CLPP: variants seen among roughly 807,000 people sequenced by gnomAD.
CLPP encodes the protein ATP-dependent Clp protease proteolytic subunit, mitochondrial.
A neutral mutation model predicts 27.4 loss-of-function variants in CLPP; 14 were observed. The observed-to-expected ratio is 0.51, with a 90% CI of 0.34 to 0.80. CLPP has a LOEUF of 0.80. CLPP is among the 30% of genes least tolerant of loss of function. The pLI, the probability that CLPP is intolerant of heterozygous loss-of-function variation, is 0.02. For synonymous variants in CLPP, 193 were observed against 166.6 expected (o/e 1.16, Z -1.22); for missense variants, 361 against 403.6 (o/e 0.89, Z 0.90).
intron 4 of CLPP, 79 bp downstream of exon 4, chr19:6,364,718 C>A: frequency 2.4e-6 from 3 of 1,263,446 alleles, no homozygotes; most frequent in Admixed American, 2.5e-5. Flanking sequence ...GGAAGTCAAG[C>A]GTGGGAGGGG....
Position 6,364,484 on chromosome 19 carries a change from G to A in CLPP, c.400G>A (p.Asp134Asn), listed in dbSNP as rs2091851911. 1.2e-6 allele frequency: 2 copies of A among 1,610,880 alleles called. No homozygotes were observed. Among genetic ancestry groups the A allele is most frequent in the South Asian group, 1.1e-5 (1 of 90,720 alleles). The change falls in exon 4 of 6, where the codon GAC becomes AAC. Residue 134 changes from aspartate to asparagine, a missense_variant. This residue lies in a region of CLPP where 213 missense variants were observed against 280.9 expected (regional missense o/e 0.76). Coordinates refer to ENST00000245816, the MANE Select transcript of CLPP (RefSeq NM_006012.4). Reference sequence around the variant, plus strand: ...GGTGACCGCGGGCCTGGCCATCTACGACACGATGCAGTACATCCTCAACCC... The same window carrying A: ...GGTGACCGCGGGCCTGGCCATCTACAACACGATGCAGTACATCCTCAACCC... ...GVVTAGLAIY[D>N]TMQYILNPIC...
Position 6,369,887 on chromosome 19 carries a change from G to A in CLPP, c.*1177G>A, listed in dbSNP as rs963067322. The stretch of plus-strand genomic sequence containing the variant: ...TGAACCATGGAGGGTTTTGAGAAGA[G>A]GAAGGAAAATAAGGATGACTATGAC... On this transcript the variant is annotated 3_prime_UTR_variant, in exon 6 of 6. Coordinates refer to ENST00000245816, the MANE Select transcript of CLPP (RefSeq NM_006012.4). Among the ~76,000 whole-genome samples, 14 of 152,260 alleles carry A rather than the reference G, an allele frequency of 9.2e-5. No homozygotes were observed. The highest frequency in any genetic ancestry group is 3.4e-4 in the African/African-American group (14 of 41,554).
At chr19:6,361,975 C>A in intron 2 of CLPP, 35 bp downstream of exon 2, 1 of 1,580,924 alleles carries the variant, frequency 6.3e-7, no homozygotes, top group South Asian at 1.1e-5. Context: ...CCCCAGGACT[C>A]TCCCAAGCGC....
At position 6,362,438 on chromosome 19, in the gene CLPP, A is replaced by T. The variant is rs111909281; in HGVS notation, c.271-8A>T. The T allele has an allele frequency of 2.1e-5, 34 of 1,608,364 alleles. No homozygotes were observed. In the African/African-American group the frequency reaches 2.7e-4, roughly 13 times the overall value. On this transcript the variant is annotated splice_polypyrimidine_tract_variant and splice_region_variant and intron_variant, in intron 2 of 5. Coordinates refer to ENST00000245816, the MANE Select transcript of CLPP (RefSeq NM_006012.4). ...ATCTGGGGACACCCCTGCCCTCTCC[A>T]CCTGCAGATCGATGACAGCGTTGCC...
chr19:6,362,357 C>T, intron 2 of CLPP, 89 bp from the exon 3 acceptor site: 1 of 881,936 alleles, frequency 1.1e-6, no homozygotes, highest in Non-Finnish European at 1.9e-6. Context: ...TCTGGTCCCC[C>T]TTCCTGGTTC....
intron 3 of CLPP, among the ~76,000 whole-genome samples, chr19:6,362,776 CG>C (rs1296010245): frequency 6.6e-6 from 1 of 151,992 alleles, no homozygotes; most frequent in African/African-American, 2.4e-5. Context: ...CAACCTGACC[CG>C]GCTGACATTT....
At chr19:6,362,016 T>A in intron 2 of CLPP, 76 bp downstream of exon 2, 1 of 1,381,914 alleles carries the variant, frequency 7.2e-7, no homozygotes, top group Non-Finnish European at 1.0e-6. Flanking sequence ...CCTCCTTCCC[T>A]GGCCCCAGAC....
intron 5 of CLPP, among the ~76,000 whole-genome samples, chr19:6,366,954 T>G (rs1167053034): frequency 6.6e-6 from 1 of 151,558 alleles, no homozygotes; most frequent in Non-Finnish European, 1.5e-5. Flanking sequence ...AATCAAAAAG[T>G]GAGGCCAGGT....
chr19:6,365,742 C>G (rs747059908), intron 4 of CLPP, among the ~76,000 whole-genome samples: 2 of 151,594 alleles, frequency 1.3e-5, no homozygotes, highest in Non-Finnish European at 2.9e-5. Flanking sequence ...ATTGCTTGAG[C>G]CTGTGAGGTG....
chr19:6,362,101 A>C lies in CLPP; in HGVS notation c.270+161A>C, dbSNP rs10416820. 0.22 allele frequency: 125,122 copies of C among 557,248 alleles called. 23,491 individuals are homozygous for C. The highest frequency in any genetic ancestry group is 0.78 in the African/African-American group (38,935 of 50,124). 34.5% of individuals were successfully genotyped at this position (557,248 alleles called of 1,614,324 possible). ...CTCCCCTCCTGGCTCCCGGTCCCCC[A>C]ACCCGCTCCTCACCCCTTCTCTGCT... is the stretch of plus-strand genomic sequence containing the variant. On this transcript the variant is annotated intron_variant, in intron 2 of 5. Coordinates refer to ENST00000245816, the MANE Select transcript of CLPP (RefSeq NM_006012.4).
Position 6,368,771 on chromosome 19 carries a change from G to A in CLPP, c.*61G>A. 1.3e-6 allele frequency: 2 copies of A among 1,487,246 alleles called. No individual in the cohort carries two copies. The highest frequency in any genetic ancestry group is 1.8e-6 in the Non-Finnish European group (2 of 1,103,740). The allele number at this position is 1,487,246 out of a possible 1,614,324, so 92.1% of individuals were successfully genotyped here. On this transcript the variant is annotated 3_prime_UTR_variant, in exon 6 of 6. Coordinates refer to ENST00000245816, the MANE Select transcript of CLPP (RefSeq NM_006012.4). ...CCAGAGGCCTGCCAGACCCCCAGCT[G>A]GGCCCTGCTCACCCCTTGTTGCTGG... is the stretch of plus-strand genomic sequence containing the variant.
intron 3 of CLPP, among the ~76,000 whole-genome samples, chr19:6,362,871 C>G (rs922729956): frequency 2.6e-5 from 4 of 151,924 alleles, no homozygotes; most frequent in East Asian, 1.9e-4. Context: ...GCGGATTGCT[C>G]GAGCTCAGGA....
chr19:6,367,090 AT>A (rs2091866166), intron 5 of CLPP, among the ~76,000 whole-genome samples: 1 of 151,798 alleles, frequency 6.6e-6, no homozygotes, highest in South Asian at 2.1e-4. Flanking sequence ...AGAAAAAAAA[AT>A]TTTAGCTGGG....
At chr19:6,361,823 A>G (rs898362310) in intron 1 of CLPP, 46 bp from the exon 2 acceptor site, 1 of 1,490,218 alleles carries the variant, frequency 6.7e-7, no homozygotes, top group East Asian at 2.4e-5. Flanking sequence ...CTGGGTGGGG[A>G]TCGGCTGGCT....
intron 4 of CLPP, 170 bp downstream of exon 4, chr19:6,364,809 A>C (rs2091854259): frequency 1.6e-6 from 1 of 623,990 alleles, no homozygotes; most frequent in Admixed American, 3.2e-5. Context: ...GCTCACTGCA[A>C]GCTCCGCCTC....
chr19:6,363,668 T>G (rs920693697), intron 3 of CLPP, among the ~76,000 whole-genome samples: 1 of 151,984 alleles, frequency 6.6e-6, no homozygotes, highest in African/African-American at 2.4e-5. Flanking sequence ...GAGGCTGAAG[T>G]GGGCTGATCA....
At position 6,370,010 on chromosome 19, in the gene CLPP, A is replaced by C. The variant is rs2091880371; in HGVS notation, c.*1300A>C. Among the ~76,000 whole-genome samples, 1 of 152,148 alleles carries C rather than the reference A, an allele frequency of 6.6e-6. No homozygotes were observed. Among genetic ancestry groups the C allele is most frequent in the Non-Finnish European group, 1.5e-5 (1 of 68,020 alleles). The stretch of plus-strand genomic sequence containing the variant: ...TGGCAGCCCTGGCCGAGTGATGAGA[A>C]AAAGTCAGATTCTAGCTAGGTGGGA... On this transcript the variant is annotated 3_prime_UTR_variant, in exon 6 of 6. Coordinates refer to ENST00000245816, the MANE Select transcript of CLPP (RefSeq NM_006012.4).
At chr19:6,366,196 C>G (rs1397067796) in intron 4 of CLPP, 62 bp from the exon 5 acceptor site, 2 of 1,173,502 alleles carry the variant, frequency 1.7e-6, no homozygotes, top group African/African-American at 1.5e-5. Context: ...CCTCCAGCCT[C>G]CCTGTGAGGG....
Position 6,361,585 on chromosome 19 carries a change from G to A in CLPP, c.11G>A (p.Gly4Glu), listed in dbSNP as rs1158834142. 74 of 1,410,548 alleles carry A rather than the reference G, an allele frequency of 5.2e-5. No individual in the cohort carries two copies. The highest frequency in any genetic ancestry group is 6.7e-5 in the Non-Finnish European group (72 of 1,079,928). The allele number at this position is 1,410,548 out of a possible 1,614,324, so 87.4% of individuals were successfully genotyped here. MWP[G>E]ILVGGARVAS... ...GGGGCGTGCGGAGGGATGTGGCCCG[G>A]AATATTGGTAGGGGGGGCCCGGGTG... Residue 4 changes from glycine (G) to glutamate (E), a missense_variant, in exon 1 of 6, where the codon GGA (glycine) becomes GAA (glutamate). By Grantham distance (98) the Gly-to-Glu change is moderately conservative. This residue lies in a region of CLPP where 148 missense variants were observed against 122.6 expected (regional missense o/e 1.21). Coordinates refer to ENST00000245816, the MANE Select transcript of CLPP (RefSeq NM_006012.4).
Sources: gnomAD v4.1 joint callset for allele counts (sites outside exome capture counted in the v4.1 genomes callset) on GRCh38, gnomAD v4.1.1 for gene constraint, gnomAD v4.1.1 regional missense constraint, MANE v1.5 for transcripts, NCBI Gene and HGNC (gene_info 2026-07-23, HGNC 2026-07-21) for gene names.